Variants in SRR observed in about 807,000 individuals in gnomAD.
The protein encoded by SRR is serine racemase.
A neutral mutation model predicts 32.7 loss-of-function variants in SRR; 19 were observed. The observed-to-expected ratio is 0.58, with a 90% confidence interval of 0.40 to 0.85. The LOEUF (loss-of-function observed/expected upper bound fraction) is 0.85. SRR is among the 40% of genes least tolerant of loss of function. The pLI is 0.00. For synonymous variants in SRR, 142 were observed against 140.9 expected (o/e 1.01, Z -0.06); for missense variants, 373 against 404.7 (o/e 0.92, Z 0.67).
chr17:2,322,219 G>A (rs567883928), intron 6 of SRR, among the ~76,000 whole-genome samples: 28 of 152,128 alleles, frequency 1.8e-4, no homozygotes, highest in Non-Finnish European at 2.2e-4. Flanking sequence ...GTGAGCCACC[G>A]CACCCAGCCA....
intron 1 of SRR, among the ~76,000 whole-genome samples, chr17:2,312,859 T>C (rs576983522): frequency 8.1e-4 from 124 of 152,350 alleles, no homozygotes; most frequent in Admixed American, 1.2e-3. Context: ...ATTCATTACA[T>C]CATTCTTACA....
At chr17:2,315,481 C>G in intron 1 of SRR, 76 bp from the exon 2 acceptor site, 1 of 1,400,912 alleles carries the variant, frequency 7.1e-7, no homozygotes, top group Non-Finnish European at 9.7e-7. Flanking sequence ...TATTCTGTTA[C>G]GTATTTTCAA....
intron 1 of SRR, among the ~76,000 whole-genome samples, chr17:2,304,458 G>A (rs1030856522): frequency 2.0e-5 from 3 of 149,480 alleles, no homozygotes; most frequent in African/African-American, 7.4e-5. Flanking sequence ...CACTAGGCTG[G>A]TCTCGAACTC....
rs753267380 is a variant in SRR, at chr17:2,315,725, T to G, written c.165T>G (p.Phe55Leu). 6.2e-7 allele frequency: 1 copy of G among 1,613,428 alleles called. No individual in the cohort carries two copies. Among genetic ancestry groups the G allele is most frequent in the African/African-American group, 1.3e-5 (1 of 75,030 alleles). ...KCELFQKTGSFKIRGALNAVR... is the reference protein window; with the variant it reads ...KCELFQKTGSLKIRGALNAVR... ...AACTCTTCCAGAAAACAGGATCTTT[T>G]AAGGTAACAATCCTTTTTCTCAGTG... Residue 55 changes from phenylalanine (F) to leucine (L), a missense_variant, in exon 2 of 8, where the codon TTT becomes TTG. Transcript: ENST00000344595.
At chr17:2,315,483 T>C (rs2075465863) in intron 1 of SRR, 74 bp from the exon 2 acceptor site, 2 of 1,425,502 alleles carry the variant, frequency 1.4e-6, no homozygotes, top group African/African-American at 2.9e-5. Context: ...TTCTGTTACG[T>C]ATTTTCAAAA....
Position 2,323,949 on chromosome 17 carries a change from CTT to C in SRR, c.*77_*78del, listed in dbSNP as rs1168970839. 2.0e-5 allele frequency: 27 copies of C among 1,351,474 alleles called. No individual in the cohort carries two copies. The highest frequency in any genetic ancestry group is 2.7e-5 in the Non-Finnish European group (26 of 971,072). The allele number at this position is 1,351,474 out of a possible 1,614,324, so 83.7% of individuals were successfully genotyped here. ...ATTTTGTTTCCTAGTATTGTCAACT[CTT>C]AGTTATCAGATTCTTAATGGAGAGT... is the stretch of plus-strand genomic sequence containing the variant. On this transcript the variant is annotated 3_prime_UTR_variant, in exon 8 of 8. Transcript: ENST00000344595.
At chr17:2,318,429 C>T (rs924781148) in intron 3 of SRR, among the ~76,000 whole-genome samples, 13 of 150,978 alleles carry the variant, frequency 8.6e-5, no homozygotes, top group East Asian at 2.0e-4. Context: ...GGATTACAGG[C>T]GTGAGCCACC....
intron 2 of SRR, among the ~76,000 whole-genome samples, chr17:2,316,879 AT>A (rs536120942): frequency 0.087 from 10,770 of 123,712 alleles, 710 homozygotes; most frequent in East Asian, 0.47. Context: ...CGCCCAGCTA[AT>A]TTTTTTTTTT....
intron 3 of SRR, among the ~76,000 whole-genome samples, chr17:2,318,619 A>ATTTTTTTTT (rs35847724): frequency 0.012 from 1,144 of 92,490 alleles, no homozygotes; most frequent in Non-Finnish European, 0.016. Context: ...ATGCCTGGCT[A>ATTTTTTTTT]TTTTTTTTTT....
intron 1 of SRR, 89 bp from the exon 2 acceptor site, chr17:2,315,468 G>T: frequency 7.8e-7 from 1 of 1,278,128 alleles, no homozygotes; most frequent in South Asian, 1.6e-5. Flanking sequence ...CAGGCCCCAG[G>T]TCTATTCTGT....
At chr17:2,319,653 C>T (rs2151435440) in intron 4 of SRR, among the ~76,000 whole-genome samples, 1 of 152,216 alleles carries the variant, frequency 6.6e-6, no homozygotes, top group Admixed American at 6.5e-5. Flanking sequence ...TTTCCATAAC[C>T]CAACTGCTTC....
At chr17:2,320,127 C>T (rs533980830) in intron 4 of SRR, among the ~76,000 whole-genome samples, 8 of 151,658 alleles carry the variant, frequency 5.3e-5, no homozygotes, top group Non-Finnish European at 1.2e-4. Context: ...CAGAACTTGT[C>T]TCTTTTCAAG....
intron 1 of SRR, among the ~76,000 whole-genome samples, chr17:2,314,178 A>G (rs1044239722): frequency 2.0e-5 from 3 of 152,172 alleles, no homozygotes; most frequent in African/African-American, 7.2e-5. Context: ...AGCCGGGCGC[A>G]GTGACTCACG....
intron 6 of SRR, 24 bp from the exon 7 acceptor site, chr17:2,323,107 TTAAGA>T: frequency 6.2e-7 from 1 of 1,608,450 alleles, no homozygotes; most frequent in Non-Finnish European, 8.5e-7. Context: ...TGGTTTGTTG[TTAAGA>T]TGTCTTAATA....
In SRR at chr17:2,321,298, A is replaced by G; in HGVS notation, c.400-8A>G. The stretch of plus-strand genomic sequence containing the variant: ...CAAATCAATTAAGCTAAATTAATGT[A>G]CTTTCAGTCCAGAGAAAATGTTGCA... On this transcript the variant is annotated splice_polypyrimidine_tract_variant and splice_region_variant and intron_variant, in intron 4 of 7. Transcript: ENST00000344595. The G allele has an allele frequency of 6.2e-7, 1 of 1,613,284 alleles. No individual in the cohort carries two copies. Among genetic ancestry groups the G allele is most frequent in the Non-Finnish European group, 8.5e-7 (1 of 1,179,840 alleles).
chr17:2,307,500 G>C (rs1264793363), intron 1 of SRR: 3 of 1,419,966 alleles, frequency 2.1e-6, no homozygotes, highest in Non-Finnish European at 2.9e-6. Flanking sequence ...TAATGGATTT[G>C]GTAATGATGG....
In SRR at chr17:2,321,381, G is replaced by C; in HGVS notation, c.475G>C (p.Val159Leu). 1 of 1,612,742 alleles carries C rather than the reference G, an allele frequency of 6.2e-7. No individual in the cohort carries two copies. The highest frequency in any genetic ancestry group is 8.5e-7 in the Non-Finnish European group (1 of 1,179,644). Residue 159 changes from valine to leucine, a missense_variant, in exon 5 of 8, where the codon GTG becomes CTG. Physicochemically the swap from Val to Leu is conservative, Grantham distance 32. Transcript: ENST00000344595. ...IMVHPNQEPAVIAGQGTIALE... is the reference protein window; with the variant it reads ...IMVHPNQEPALIAGQGTIALE... ...GGTACATCCCAACCAGGAGCCTGCAGTGATAGCTGGACAAGGGACAATTGC... is the reference window on the plus strand; with the variant it reads ...GGTACATCCCAACCAGGAGCCTGCACTGATAGCTGGACAAGGGACAATTGC...
rs548448034 is a variant in SRR, at chr17:2,311,159, G to A, written c.-4-4398G>A. Among the ~76,000 whole-genome samples the A allele has an allele frequency of 7.4e-4, 113 of 151,918 alleles. 1 individual carries two copies. The highest frequency in any genetic ancestry group is 2.6e-3 in the African/African-American group (107 of 41,474). ...TTGCTTTGGCCTCCAAAAGTGCTGG[G>A]ATTACAGGCAAGAGCCACCACGCCC... On this transcript the variant is annotated intron_variant, in intron 1 of 7. Coordinates refer to ENST00000344595, the MANE Select transcript of SRR (RefSeq NM_021947.3).
rs772302091 is a variant in SRR at position 2,321,495 on chromosome 17, G to A, written c.520-47G>A. 3.1e-6 allele frequency: 5 copies of A among 1,612,224 alleles called. No homozygotes were observed. The African/African-American group carries it at 5.3e-5, about 17-fold the overall frequency. Reference sequence around the variant, plus strand: ...TGGGCTATATTCAATTATTTTATATGTATACATTAAATATAAAACTGCTTA... The same window carrying A: ...TGGGCTATATTCAATTATTTTATATATATACATTAAATATAAAACTGCTTA... On this transcript the variant is annotated intron_variant, in intron 5 of 7. Coordinates refer to ENST00000344595, the MANE Select transcript of SRR (RefSeq NM_021947.3).
Sources: allele counts gnomAD v4.1 joint callset (sites outside exome capture counted in the v4.1 genomes callset), GRCh38; gene constraint gnomAD v4.1.1; transcripts MANE v1.5; gene names NCBI Gene and HGNC (gene_info 2026-07-23, HGNC 2026-07-21).